The following AP1M1 variants were observed in gnomAD, a reference collection of about 807,000 sequenced individuals.
AP1M1 encodes the protein adaptor related protein complex 1 subunit mu 1.
Under a neutral mutation model 57.1 loss-of-function variants are expected in AP1M1, and 18 were observed. The observed-to-expected ratio is 0.32, with a 90% CI of 0.22 to 0.47. AP1M1 has a LOEUF of 0.47. Among genes scored for constraint, AP1M1 ranks in the 20% least tolerant of loss-of-function variants. AP1M1 has a pLI of 1.00. For missense variants in AP1M1, 362 were observed against 593.5 expected (o/e 0.61, Z 4.05); for synonymous variants, 241 against 237.9 (o/e 1.01, Z -0.12).
Position 16,241,074 on chromosome 19 carries a change from A to G in AP1M1, c.*6639A>G, listed in dbSNP as rs2091643918. ...GGTGGCTCCCGCCTGTAATCCCAGC[A>G]CTCTGGGAGGCCGAGGCGGGCAGAG... On this transcript the variant is annotated 3_prime_UTR_variant, in exon 12 of 12. Transcript: ENST00000291439. The G allele has an allele frequency of 6.6e-6, 1 of 152,004 alleles. No individual in the cohort carries two copies. Among genetic ancestry groups the G allele is most frequent in the African/African-American group, 2.4e-5 (1 of 41,382 alleles). 9.4% of individuals were successfully genotyped at this position (152,004 alleles called of 1,614,324 possible).
rs1023438560 is a variant in AP1M1, at chr19:16,203,740, C to T, written c.199+125C>T. 2.9e-5 allele frequency: 28 copies of T among 968,004 alleles called. No individual in the cohort carries two copies. Among genetic ancestry groups the T allele is most frequent in the Non-Finnish European group, 3.7e-5 (24 of 654,824 alleles). 60.0% of individuals were successfully genotyped at this position (968,004 alleles called of 1,614,324 possible). ...CAAGCATTGGACACAGCCATGCCCT[C>T]CTGGAGCTCCCTGCTGCCTGCGGAG... is the stretch of plus-strand genomic sequence containing the variant. On this transcript the variant is annotated intron_variant, in intron 2 of 11. Transcript: ENST00000291439. This position sits in a 1 kb window ranked among gnomAD's most constrained non-coding sequence, Gnocchi z 4.6.
At chr19:16,202,675 T>G (rs1599451393) in intron 1 of AP1M1, among the ~76,000 whole-genome samples, 3 of 152,262 alleles carry the variant, frequency 2.0e-5, no homozygotes, top group African/African-American at 7.2e-5. Context: ...TCCCTTCCGT[T>G]GCTGAGGCAT....
chr19:16,203,317 T>A lies in AP1M1; in HGVS notation c.43-142T>A. On this transcript the variant is annotated intron_variant, in intron 1 of 11. Coordinates refer to ENST00000291439, the MANE Select transcript of AP1M1 (RefSeq NM_032493.4). This position sits in a 1 kb window ranked among gnomAD's most constrained non-coding sequence, Gnocchi z 4.6. ...CTGGGGGATGGAGATCAGAACGGCC[T>A]CAAGTCCTGCTCTTTTGCGGATAGT... 1.2e-6 allele frequency: 1 copy of A among 805,458 alleles called. No individual in the cohort carries two copies. Among genetic ancestry groups the A allele is most frequent in the Non-Finnish European group, 2.0e-6 (1 of 499,756 alleles). The allele number at this position is 805,458 out of a possible 1,614,324, so 49.9% of individuals were successfully genotyped here. A position where few individuals can be genotyped will look rare whatever the true frequency, so the allele number is the denominator to read the frequency against.
intron 5 of AP1M1, among the ~76,000 whole-genome samples, chr19:16,213,014 A>G (rs1022471422): frequency 7.9e-5 from 12 of 152,114 alleles, no homozygotes; most frequent in African/African-American, 2.2e-4. Flanking sequence ...TTTATGTCCA[A>G]TTGTGTGGTG....
At position 16,239,815 on chromosome 19, in the gene AP1M1, G is replaced by C. The variant is rs566061384; in HGVS notation, c.*5380G>C. On this transcript the variant is annotated 3_prime_UTR_variant, in exon 12 of 12. Coordinates refer to ENST00000291439, the MANE Select transcript of AP1M1 (RefSeq NM_032493.4). ...AAAAAATTAACAACTTGGTTGGAGG[G>C]TGTTAAAATACAAGTGAGACATAGA... 6.6e-6 allele frequency: 1 copy of C among 151,982 alleles called. No homozygotes were observed. Among genetic ancestry groups the C allele is most frequent in the East Asian group, 1.9e-4 (1 of 5,168 alleles). The allele number at this position is 151,982 out of a possible 1,614,324, so 9.4% of individuals were successfully genotyped here.
Position 16,197,975 on chromosome 19 carries a change from T to TGCCGCCGCCACCGCCCTCGGC in AP1M1, c.-52_-51insGCCGCCGCCACCGCCCTCGGC, listed in dbSNP as rs2091430734. On this transcript the variant is annotated 5_prime_UTR_variant, in exon 1 of 12. Transcript: ENST00000291439. ...GCTCAACGCCCAGCAGTCCCCACCG[T>TGCCGCCGCCACCGCCCTCGGC]CGCTGCCGCCGCCACCGCCCTCGGC... is the stretch of plus-strand genomic sequence containing the variant. 3 of 1,451,814 alleles carry TGCCGCCGCCACCGCCCTCGGC rather than the reference T, an allele frequency of 2.1e-6. No individual in the cohort carries two copies. Among genetic ancestry groups the TGCCGCCGCCACCGCCCTCGGC allele is most frequent in the Non-Finnish European group, 1.8e-6 (2 of 1,087,932 alleles). The allele number at this position is 1,451,814 out of a possible 1,614,324, so 89.9% of individuals were successfully genotyped here. A position where few individuals can be genotyped will look rare whatever the true frequency, so the allele number is the denominator to read the frequency against.
rs1047807170 is a variant in AP1M1, at chr19:16,234,835, G to A, written c.*400G>A. On this transcript the variant is annotated 3_prime_UTR_variant, in exon 12 of 12. Transcript: ENST00000291439. ...CCAGCCTCGCCAGGCCAGCAGGGGC[G>A]TCGTTTTGTTGCCATTTTGTTGAAC... The A allele has an allele frequency of 4.5e-5, 15 of 334,198 alleles. No individual in the cohort carries two copies. Among genetic ancestry groups the A allele is most frequent in the East Asian group, 1.2e-4 (2 of 17,034 alleles). The allele number at this position is 334,198 out of a possible 1,614,324, so 20.7% of individuals were successfully genotyped here.
Position 16,203,716 on chromosome 19 carries a change from A to G in AP1M1, c.199+101A>G, listed in dbSNP as rs2145113819. Reference sequence around the variant, plus strand: ...AGCAGGGCTGGTTTGTGCACAGCGCAAGCATTGGACACAGCCATGCCCTCC... The same window carrying G: ...AGCAGGGCTGGTTTGTGCACAGCGCGAGCATTGGACACAGCCATGCCCTCC... On this transcript the variant is annotated intron_variant, in intron 2 of 11. Coordinates refer to ENST00000291439, the MANE Select transcript of AP1M1 (RefSeq NM_032493.4). The surrounding 1 kb of genome is among the most constrained non-coding windows in gnomAD (Gnocchi z 4.6). 7.6e-7 allele frequency: 1 copy of G among 1,318,252 alleles called. No homozygotes were observed. The highest frequency in any genetic ancestry group is 1.0e-6 in the Non-Finnish European group (1 of 954,116). 81.7% of individuals were successfully genotyped at this position (1,318,252 alleles called of 1,614,324 possible).
rs2091480977 is a variant in AP1M1, at chr19:16,208,824, G to A, written c.399-206G>A. The stretch of plus-strand genomic sequence containing the variant: ...CTATAACTTGAGTGTATTGGCTTTT[G>A]GAAATTGTGAAGATTTTTCTGTATG... On this transcript the variant is annotated intron_variant, in intron 4 of 11. Transcript: ENST00000291439. The A allele has an allele frequency of 5.4e-6, 3 of 553,390 alleles. No homozygotes were observed. In the South Asian group the frequency reaches 8.2e-5, roughly 15 times the overall value. The allele number at this position is 553,390 out of a possible 1,614,324, so 34.3% of individuals were successfully genotyped here. A position where few individuals can be genotyped will look rare whatever the true frequency, so the allele number is the denominator to read the frequency against.
rs71178661 is a variant in AP1M1, at chr19:16,239,239, CTTTTTTTTTTTTTTTTTTTTTTTTTT to C, written c.*4819_*4844del. ...TGAGCCACCGCGCCCGGCCAGTTCTCTTTTTTTTTTTTTTTTTTTTTTTTTTTTTTTTTTTTTTTTAAGACTGCAAA... is the reference window on the plus strand; with the variant it reads ...TGAGCCACCGCGCCCGGCCAGTTCTCTTTTTTTTTTTTTTAAGACTGCAAA... On this transcript the variant is annotated 3_prime_UTR_variant, in exon 12 of 12. Transcript: ENST00000291439. 10 of 39,284 alleles carry C rather than the reference CTTTTTTTTTTTTTTTTTTTTTTTTTT, an allele frequency of 2.5e-4. No individual in the cohort carries two copies. Among genetic ancestry groups the C allele is most frequent in the South Asian group, 8.7e-4 (1 of 1,148 alleles). The allele number at this position is 39,284 out of a possible 1,614,324, so 2.4% of individuals were successfully genotyped here.
intron 1 of AP1M1, among the ~76,000 whole-genome samples, chr19:16,199,367 C>T (rs560816821): frequency 7.2e-5 from 11 of 152,308 alleles, no homozygotes; most frequent in African/African-American, 2.4e-4. Context: ...GGGATTGTCC[C>T]CACCTTTTAG....
At chr19:16,201,388 CTTTTTTTTTT>C (rs57467734) in intron 1 of AP1M1, among the ~76,000 whole-genome samples, 9 of 62,374 alleles carry the variant, frequency 1.4e-4, no homozygotes, top group Non-Finnish European at 2.1e-4. Flanking sequence ...GGGAGGATTT[CTTTTTTTTTT>C]TTTTTTTTTT....
intron 5 of AP1M1, among the ~76,000 whole-genome samples, chr19:16,221,252 T>G (rs2091543176): frequency 6.6e-6 from 1 of 152,236 alleles, no homozygotes; most frequent in African/African-American, 2.4e-5. Context: ...AAATGTTTAT[T>G]CAGAAACAGA....
At position 16,226,745 on chromosome 19, in the gene AP1M1, T is replaced by C. The variant is rs184789532; in HGVS notation, c.673+198T>C. 951 of 678,580 alleles carry C rather than the reference T, an allele frequency of 1.4e-3. 6 individuals are homozygous for C. In the African/African-American group the frequency reaches 0.015, roughly 11 times the overall value. The allele number at this position is 678,580 out of a possible 1,614,324, so 42.0% of individuals were successfully genotyped here. A position where few individuals can be genotyped will look rare whatever the true frequency, so the allele number is the denominator to read the frequency against. On this transcript the variant is annotated intron_variant, in intron 6 of 11. Coordinates refer to ENST00000291439, the MANE Select transcript of AP1M1 (RefSeq NM_032493.4). ...CATAGAAGGTGCAGGGGAGTGAAGATCCTCCAGTCCAGCTGGGAGGCCCCC... is the reference window on the plus strand; with the variant it reads ...CATAGAAGGTGCAGGGGAGTGAAGACCCTCCAGTCCAGCTGGGAGGCCCCC...
Position 16,234,847 on chromosome 19 carries a change from C to T in AP1M1, c.*412C>T. 3.2e-6 allele frequency: 1 copy of T among 314,634 alleles called. No homozygotes were observed. Among genetic ancestry groups the T allele is most frequent in the South Asian group, 4.3e-5 (1 of 23,490 alleles). The allele number at this position is 314,634 out of a possible 1,614,324, so 19.5% of individuals were successfully genotyped here. On this transcript the variant is annotated 3_prime_UTR_variant, in exon 12 of 12. Transcript: ENST00000291439. ...GGCCAGCAGGGGCGTCGTTTTGTTGCCATTTTGTTGAACGTTATGGGTTTA... is the reference window on the plus strand; with the variant it reads ...GGCCAGCAGGGGCGTCGTTTTGTTGTCATTTTGTTGAACGTTATGGGTTTA...
Position 16,210,534 on chromosome 19 carries a change from G to A in AP1M1, c.546+1357G>A, listed in dbSNP as rs138090583. 4.1e-3 allele frequency: 2,523 copies of A among 612,104 alleles called. 9 individuals are homozygous for A. The highest frequency in any genetic ancestry group is 5.4e-3 in the Non-Finnish European group (1,793 of 333,610). 37.9% of individuals were successfully genotyped at this position (612,104 alleles called of 1,614,324 possible). A position where few individuals can be genotyped will look rare whatever the true frequency, so the allele number is the denominator to read the frequency against. On this transcript the variant is annotated intron_variant, in intron 5 of 11. Coordinates refer to ENST00000291439, the MANE Select transcript of AP1M1 (RefSeq NM_032493.4). ...TTGTCATCCTAATAGGTATGTAGTA[G>A]TATGTCAGCACAGTTTTGTGTTTTG... is the stretch of plus-strand genomic sequence containing the variant.
chr19:16,209,195 C>A lies in AP1M1; in HGVS notation c.546+18C>A. 6.2e-7 allele frequency: 1 copy of A among 1,612,998 alleles called. No homozygotes were observed. Among genetic ancestry groups the A allele is most frequent in the South Asian group, 1.1e-5 (1 of 91,022 alleles). ...ACCTCTTGGTAGGCCTCTTTTCTTTCCTTCTTCTGTAGGGTTTTATCTCTT... is the reference window on the plus strand; with the variant it reads ...ACCTCTTGGTAGGCCTCTTTTCTTTACTTCTTCTGTAGGGTTTTATCTCTT... On this transcript the variant is annotated intron_variant, in intron 5 of 11. Transcript: ENST00000291439.
intron 9 of AP1M1, among the ~76,000 whole-genome samples, chr19:16,230,823 T>G (rs901973866): frequency 1.3e-5 from 2 of 152,198 alleles, no homozygotes; most frequent in African/African-American, 4.8e-5. Context: ...CACCTGTCAG[T>G]GCTTCCCATG....
chr19:16,222,725 A>T (rs2091551675), intron 5 of AP1M1, among the ~76,000 whole-genome samples: 1 of 151,482 alleles, frequency 6.6e-6, no homozygotes, highest in East Asian at 1.9e-4. Flanking sequence ...TTCCCATCTG[A>T]GTGTGCTGAG....
Sources: allele counts gnomAD v4.1 joint callset (sites outside exome capture counted in the v4.1 genomes callset), GRCh38; gene constraint gnomAD v4.1.1; non-coding constraint Gnocchi (gnomAD v3.1); transcripts MANE v1.5; gene names NCBI Gene and HGNC (gene_info 2026-07-23, HGNC 2026-07-21).